PDPN: variants seen among roughly 807,000 people sequenced by gnomAD.
The protein encoded by PDPN is podoplanin, also known as PA2.26 antigen.
A neutral mutation model predicts 23.2 loss-of-function variants in PDPN; 12 were observed. The ratio of observed to expected loss-of-function variants is 0.52; its 90% CI spans 0.33 to 0.84. The LOEUF is 0.84. Among genes scored for constraint, PDPN ranks in the 40% least tolerant of loss-of-function variants. The pLI is 0.02. For synonymous variants in PDPN, 77 were observed against 76.7 expected (o/e 1.00, Z -0.02); for missense variants, 199 against 212.2 (o/e 0.94, Z 0.39).
At chr1:13,610,641 C>A in intron 3 of PDPN, 125 bp downstream of exon 3, 1 of 956,790 alleles carries the variant, frequency 1.0e-6, no homozygotes, top group Non-Finnish European at 1.6e-6. Flanking sequence ...ACTTCTGAAC[C>A]AAGCTTTATA....
At chr1:13,599,139 T>G (rs894163645) in intron 1 of PDPN, among the ~76,000 whole-genome samples, 4 of 151,156 alleles carry the variant, frequency 2.6e-5, no homozygotes, top group African/African-American at 9.7e-5. Flanking sequence ...GCCTCCTGAG[T>G]AGCTGGGACT....
intron 1 of PDPN, among the ~76,000 whole-genome samples, chr1:13,605,413 G>A (rs1640758011): frequency 6.6e-6 from 1 of 152,174 alleles, no homozygotes; most frequent in Non-Finnish European, 1.5e-5. Flanking sequence ...AGAACCACTG[G>A]AGTTTAGGGA....
At chr1:13,586,765 A>G (rs1263666587) in intron 1 of PDPN, among the ~76,000 whole-genome samples, 1 of 49,058 alleles carries the variant, frequency 2.0e-5, no homozygotes, top group Non-Finnish European at 3.3e-5. Flanking sequence ...TCTGCCATTA[A>G]AAAAAAAAAA....
intron 5 of PDPN, chr1:13,614,926 T>C: frequency 4.4e-6 from 2 of 454,370 alleles, no homozygotes; most frequent in South Asian, 3.4e-5. Context: ...TTGACTTCTG[T>C]TGAGATCTGA....
At chr1:13,585,698 T>C (rs1373312097) in intron 1 of PDPN, 1 of 1,272,900 alleles carries the variant, frequency 7.9e-7, no homozygotes, top group Non-Finnish European at 1.1e-6. Context: ...GAAACTCCAC[T>C]ACTAAAGAAA....
intron 1 of PDPN, among the ~76,000 whole-genome samples, chr1:13,588,650 T>C (rs1640249634): frequency 6.8e-6 from 1 of 147,504 alleles, no homozygotes; most frequent in South Asian, 2.1e-4. Context: ...CTATATATTA[T>C]ATATTTACAT....
At chr1:13,612,534 T>C (rs919253397) in intron 3 of PDPN, among the ~76,000 whole-genome samples, 7 of 152,182 alleles carry the variant, frequency 4.6e-5, no homozygotes, top group Non-Finnish European at 2.9e-5. Context: ...ATTTGGGGAG[T>C]TGATTTGATA....
chr1:13,601,625 G>A (rs1640642182), intron 1 of PDPN, among the ~76,000 whole-genome samples: 1 of 152,158 alleles, frequency 6.6e-6, no homozygotes, highest in Admixed American at 6.6e-5. Flanking sequence ...CCAAAGTGCT[G>A]GGATTACAGG....
intron 1 of PDPN, among the ~76,000 whole-genome samples, chr1:13,587,059 T>A (rs895485225): frequency 1.3e-5 from 2 of 152,124 alleles, no homozygotes; most frequent in East Asian, 3.9e-4. Flanking sequence ...CAAAAATATA[T>A]ATAAAAACAA....
intron 1 of PDPN, among the ~76,000 whole-genome samples, chr1:13,600,336 G>A (rs925834265): frequency 2.0e-5 from 3 of 151,842 alleles, no homozygotes; most frequent in South Asian, 2.1e-4. Flanking sequence ...CTTTGTGTCC[G>A]CTAATGAATC....
At chr1:13,587,197 T>A (rs941449543) in intron 1 of PDPN, among the ~76,000 whole-genome samples, 1 of 152,246 alleles carries the variant, frequency 6.6e-6, no homozygotes, top group Non-Finnish European at 1.5e-5. Flanking sequence ...CTTTTAAGAA[T>A]GAAATTGTCA....
intron 1 of PDPN, among the ~76,000 whole-genome samples, chr1:13,598,057 C>T (rs1570029760): frequency 6.6e-6 from 1 of 151,976 alleles, no homozygotes; most frequent in African/African-American, 2.4e-5. Flanking sequence ...CACTCTGTTA[C>T]TCAGGCTGGA....
At chr1:13,606,145 A>G (rs1336843154) in intron 1 of PDPN, among the ~76,000 whole-genome samples, 3 of 152,014 alleles carry the variant, frequency 2.0e-5, no homozygotes, top group Non-Finnish European at 4.4e-5. Flanking sequence ...GCCCACCACC[A>G]CACCAGGCTA....
intron 1 of PDPN, among the ~76,000 whole-genome samples, chr1:13,594,561 G>A (rs980240410): frequency 1.3e-5 from 2 of 152,196 alleles, no homozygotes; most frequent in African/African-American, 2.4e-5. Flanking sequence ...GGGTTTGAGA[G>A]TCTGAATAGA....
chr1:13,585,577 C>T (rs749626279), intron 1 of PDPN: 137 of 1,351,910 alleles, frequency 1.0e-4, no homozygotes, highest in Non-Finnish European at 1.2e-4. Flanking sequence ...GGGTAACATC[C>T]TTTGTTTTTG....
rs1216998154 is a variant in PDPN, at chr1:13,605,867, C to T, written c.68-1306C>T. ...CGATCTCTTGACCTTCTGATCCGCC[C>T]GCCTTGGCCTCCTAAAGTGCTGGGG... On this transcript the variant is annotated intron_variant, in intron 1 of 5. Transcript: ENST00000621990. Among the ~76,000 whole-genome samples, 5 of 152,252 alleles carry T rather than the reference C, an allele frequency of 3.3e-5. No homozygotes were observed. The South Asian group carries it at 6.2e-4, about 19-fold the overall frequency.
At position 13,617,803 on chromosome 1, in the gene PDPN, CTT is replaced by C. The variant is rs3060294; in HGVS notation, c.*1893_*1894del. On this transcript the variant is annotated 3_prime_UTR_variant, in exon 6 of 6. Transcript: ENST00000621990. ...GGCCATCTTTTCTTTCCTATCCTTT[CTT>C]CCCCCCTCACTGTGAAAAATAACAG... 0.26 allele frequency: 38,835 copies of C among 151,862 alleles called. 6,033 individuals are homozygous for C. Among genetic ancestry groups the C allele is most frequent in the Admixed American group, 0.39 (6,025 of 15,260 alleles). 9.4% of individuals were successfully genotyped at this position (151,862 alleles called of 1,614,324 possible).
intron 1 of PDPN, among the ~76,000 whole-genome samples, chr1:13,605,395 G>A (rs1237234821): frequency 6.6e-6 from 1 of 152,192 alleles, no homozygotes; most frequent in East Asian, 1.9e-4. Flanking sequence ...TTTAGTCATG[G>A]AATTTCCAGA....
At position 13,614,355 on chromosome 1, in the gene PDPN, C is replaced by T. The variant is rs1193024010; in HGVS notation, c.426C>T (p.Ile142=). The change falls in exon 5 of 6, where the codon ATC becomes ATT. Residue 142 remains isoleucine, a synonymous_variant. Transcript: ENST00000621990. The part of the protein sequence containing the change: ...VGIIVGVLLA[I]GFIGAIIVVV... ...TCATAGTTGGGGTCTTACTAGCCAT[C>T]GGCTTCATTGGTGCAATCATCGTTG... 24 of 1,609,626 alleles carry T rather than the reference C, an allele frequency of 1.5e-5. No homozygotes were observed. Among genetic ancestry groups the T allele is most frequent in the South Asian group, 2.2e-5 (2 of 91,002 alleles).
Sources: gnomAD v4.1 joint callset for allele counts (sites outside exome capture counted in the v4.1 genomes callset) on GRCh38, gnomAD v4.1.1 for gene constraint, MANE v1.5 for transcripts, NCBI Gene and HGNC (gene_info 2026-07-23, HGNC 2026-07-21) for gene names.